The following CPLANE1 variants were observed in gnomAD, a reference collection of about 807,000 sequenced individuals.
CPLANE1 encodes the protein ciliogenesis and planar polarity effector complex subunit 1.
A neutral mutation model predicts 362.5 loss-of-function variants in CPLANE1; 263 were observed. The observed-to-expected ratio is 0.73, with a 90% CI of 0.66 to 0.80. CPLANE1 has a LOEUF of 0.80. Among genes scored for constraint, CPLANE1 ranks in the 30% least tolerant of loss-of-function variants. The pLI is 0.00. For synonymous variants in CPLANE1, 1,212 were observed against 1,302.6 expected (o/e 0.93, Z 1.50); for missense variants, 3,461 against 3,793.4 (o/e 0.91, Z 2.30).
intron 16 of CPLANE1, among the ~76,000 whole-genome samples, chr5:37,208,838 T>C (rs945788976): frequency 6.6e-6 from 1 of 152,120 alleles, no homozygotes; most frequent in African/African-American, 2.4e-5. Flanking sequence ...TGTTTATATA[T>C]TTAAATTTCT....
chr5:37,124,386 A>G (rs1487371069), intron 47 of CPLANE1, among the ~76,000 whole-genome samples: 3 of 152,188 alleles, frequency 2.0e-5, no homozygotes, highest in Non-Finnish European at 4.4e-5. Flanking sequence ...TTATGTCTGT[A>G]TTTAGGGCTC....
At chr5:37,224,218 A>G (rs1021263813) in intron 14 of CPLANE1, 35 bp downstream of exon 14, 7 of 1,393,340 alleles carry the variant, frequency 5.0e-6, no homozygotes, top group Non-Finnish European at 6.9e-6. Context: ...GAGTCCTGCT[A>G]ATATTATGGC....
At chr5:37,158,442 C>G (rs1282756874) in intron 38 of CPLANE1, 97 bp from the exon 39 acceptor site, 1 of 1,197,794 alleles carries the variant, frequency 8.3e-7, no homozygotes, top group African/African-American at 1.5e-5. Context: ...CAACAAACAA[C>G]ATAAATTGTA....
Position 37,183,704 on chromosome 5 carries a change from AGC to A in CPLANE1, c.4482-7_4482-6del. ...TCCATGTGATTTGGGGCATTTCTAT[AGC>A]AAAAAAATAAAATAAGACAAAATTA... On this transcript the variant is annotated splice_region_variant and splice_polypyrimidine_tract_variant and intron_variant, in intron 25 of 52. Coordinates refer to ENST00000651892, the MANE Select transcript of CPLANE1 (RefSeq NM_001384732.1). 1 of 1,540,818 alleles carries A rather than the reference AGC, an allele frequency of 6.5e-7. No individual in the cohort carries two copies. The highest frequency in any genetic ancestry group is 2.2e-5 in the Admixed American group (1 of 45,774).
chr5:37,148,022 C>T (rs1042437879), intron 43 of CPLANE1, among the ~76,000 whole-genome samples, 159 bp downstream of exon 43: 3 of 129,800 alleles, frequency 2.3e-5, no homozygotes, highest in African/African-American at 9.1e-5. Flanking sequence ...AAGCTAATCA[C>T]ATTACAAAAA....
rs568791992 is a variant in CPLANE1 at position 37,193,523 on chromosome 5, C to T, written c.3811+2335G>A. Among the ~76,000 whole-genome samples the T allele has an allele frequency of 3.9e-5, 6 of 152,048 alleles. No homozygotes were observed. In the South Asian group the frequency reaches 8.3e-4, roughly 21 times the overall value. On this transcript the variant is annotated intron_variant, in intron 21 of 52. Transcript: ENST00000651892. ...TACAAAAATTAGCTGGGCGCAGCAG[C>T]GGGTGCCTATAGTCCCAGCTACTGG...
chr5:37,247,912 G>A (rs1374828294), intron 1 of CPLANE1, 167 bp from the exon 2 acceptor site: 2 of 387,638 alleles, frequency 5.2e-6, no homozygotes, highest in Non-Finnish European at 4.5e-6. Flanking sequence ...ATTCTCCTGC[G>A]TTAGCCTCCC....
At chr5:37,127,103 A>G (rs1764348274) in intron 46 of CPLANE1, among the ~76,000 whole-genome samples, 1 of 152,182 alleles carries the variant, frequency 6.6e-6, no homozygotes, top group African/African-American at 2.4e-5. Context: ...AATTAAGTGC[A>G]TTCTGTGCGA....
chr5:37,240,723 A>G lies in CPLANE1; in HGVS notation c.678-854T>C, dbSNP rs76919163. On this transcript the variant is annotated intron_variant, in intron 6 of 52. Coordinates refer to ENST00000651892, the MANE Select transcript of CPLANE1 (RefSeq NM_001384732.1). Reference sequence around the variant, plus strand: ...GAGACTTGGAGGGGACGAACATCCAAACTATATCAGAGACCTTTCAGAAGT... The same window carrying G: ...GAGACTTGGAGGGGACGAACATCCAGACTATATCAGAGACCTTTCAGAAGT... Among the ~76,000 whole-genome samples, 6 of 152,306 alleles carry G rather than the reference A, an allele frequency of 3.9e-5. No homozygotes were observed. In the East Asian group the frequency reaches 9.7e-4, roughly 25 times the overall value.
At position 37,114,950 on chromosome 5, in the gene CPLANE1, T is replaced by C; in HGVS notation, c.9400+10A>G. 1 of 1,546,516 alleles carries C rather than the reference T, an allele frequency of 6.5e-7. No homozygotes were observed. The highest frequency in any genetic ancestry group is 8.9e-7 in the Non-Finnish European group (1 of 1,123,022). On this transcript the variant is annotated intron_variant, in intron 51 of 52. Transcript: ENST00000651892. ...TTAAGTCTAAAAACTTTATCTTCTT[T>C]ATCCCTTACCTTTTTGGAAGGTAAC... is the stretch of plus-strand genomic sequence containing the variant.
chr5:37,208,504 C>A (rs1009825078), intron 16 of CPLANE1, among the ~76,000 whole-genome samples: 5 of 152,104 alleles, frequency 3.3e-5, no homozygotes, highest in African/African-American at 1.2e-4. Flanking sequence ...GGTGAAACCC[C>A]GTCTCCACTA....
At chr5:37,242,222 C>G (rs906805014) in intron 6 of CPLANE1, among the ~76,000 whole-genome samples, 1 of 151,796 alleles carries the variant, frequency 6.6e-6, no homozygotes, top group African/African-American at 2.4e-5. Flanking sequence ...GGCCTGGTGG[C>G]GGGCACCTGT....
intron 15 of CPLANE1, among the ~76,000 whole-genome samples, chr5:37,217,075 G>T (rs949016411): frequency 1.3e-5 from 2 of 152,026 alleles, no homozygotes; most frequent in African/African-American, 4.8e-5. Context: ...GTAATATTTG[G>T]GGGGAAAAAC....
At chr5:37,076,304 C>T in the CPLANE1 span, among the ~76,000 whole-genome samples, 1 of 151,142 alleles carries the variant, frequency 6.6e-6, no homozygotes, top group African/African-American at 2.4e-5. Flanking sequence ...GGGGGAGCAA[C>T]TGATGTCAAA....
chr5:37,144,512 G>C (rs981855863), intron 43 of CPLANE1, among the ~76,000 whole-genome samples: 6 of 151,566 alleles, frequency 4.0e-5, no homozygotes, highest in African/African-American at 1.5e-4. Flanking sequence ...CATGAAACTT[G>C]TTTTGGTTTT....
At position 37,187,566 on chromosome 5, in the gene CPLANE1, C is replaced by G. The variant is rs1408467437; in HGVS notation, c.3928G>C (p.Glu1310Gln). 1.2e-6 allele frequency: 2 copies of G among 1,607,592 alleles called. No individual in the cohort carries two copies. Among genetic ancestry groups the G allele is most frequent in the Non-Finnish European group, 1.7e-6 (2 of 1,178,130 alleles). Residue 1310 changes from glutamate to glutamine, a missense_variant, in exon 23 of 53, where the codon GAA becomes CAA. Coordinates refer to ENST00000651892, the MANE Select transcript of CPLANE1 (RefSeq NM_001384732.1). ...RENVKGEKDL[E>Q]VEFDSCMIEH... ...ATCATACAAGAATCAAACTCCACTT[C>G]AAGGTCCTAAAAGGATATTGAAAAA...
Position 37,120,349 on chromosome 5 carries a change from G to T in CPLANE1, c.9186-9C>A, listed in dbSNP as rs774588521. 2 of 1,551,594 alleles carry T rather than the reference G, an allele frequency of 1.3e-6. No homozygotes were observed. Among genetic ancestry groups the T allele is most frequent in the East Asian group, 2.4e-5 (1 of 42,324 alleles). The stretch of plus-strand genomic sequence containing the variant: ...GACCATGTTGATTCTCTCTATAGTA[G>T]AAATCACATAATTATTACATTCCCA... On this transcript the variant is annotated splice_polypyrimidine_tract_variant and intron_variant, in intron 49 of 52. Transcript: ENST00000651892.
chr5:37,121,850 A>G (rs1450600058), intron 48 of CPLANE1, 66 bp from the exon 49 acceptor site: 1 of 1,314,124 alleles, frequency 7.6e-7, no homozygotes, highest in Non-Finnish European at 1.1e-6. Context: ...CAGAGGGAAT[A>G]TAGTGTTTGA....
chr5:37,086,041 C>G, the CPLANE1 span, among the ~76,000 whole-genome samples: 2 of 152,010 alleles, frequency 1.3e-5, no homozygotes, highest in Non-Finnish European at 2.9e-5. Flanking sequence ...CTGGAGTTCC[C>G]AAATTTATAA....
Sources: allele counts gnomAD v4.1 joint callset (sites outside exome capture counted in the v4.1 genomes callset), GRCh38; gene constraint gnomAD v4.1.1; transcripts MANE v1.5; gene names NCBI Gene and HGNC (gene_info 2026-07-23, HGNC 2026-07-21).